Variants in MYO1B observed in about 807,000 individuals in gnomAD.
MYO1B encodes myosin IB, also known as unconventional myosin-Ib.
A neutral mutation model predicts 159.7 loss-of-function variants in MYO1B; 72 were observed. The observed-to-expected ratio is 0.45, with a 90% CI of 0.37 to 0.55. The LOEUF is 0.55. Ranked by LOEUF, MYO1B falls within the 20% of genes least tolerant of loss-of-function variation. The pLI is 0.00. For missense variants in MYO1B, 1,062 were observed against 1,364.8 expected, an observed-to-expected ratio of 0.78 and a Z score of 3.50; for synonymous variants, 468 against 473.8, an observed-to-expected ratio of 0.99 and a Z score of 0.16.
At chr2:191,306,242 A>G (rs897785599) in intron 3 of MYO1B, among the ~76,000 whole-genome samples, 7 of 152,110 alleles carry the variant, frequency 4.6e-5, no homozygotes, top group Non-Finnish European at 1.0e-4. Flanking sequence ...TCTAGGGGTA[A>G]GAGGGAGAGA....
intron 3 of MYO1B, among the ~76,000 whole-genome samples, chr2:191,302,768 A>G (rs1230886294): frequency 6.6e-6 from 1 of 152,246 alleles, no homozygotes; most frequent in Non-Finnish European, 1.5e-5. Flanking sequence ...TTAGTAAATT[A>G]CAAACTCAGC....
intron 1 of MYO1B, among the ~76,000 whole-genome samples, chr2:191,250,541 C>T (rs927648071): frequency 4.6e-5 from 7 of 152,158 alleles, no homozygotes; most frequent in Non-Finnish European, 8.8e-5. Flanking sequence ...GGCATATTTG[C>T]ATTTTAAAAG....
chr2:191,376,223 C>T (rs1694702062), intron 13 of MYO1B, among the ~76,000 whole-genome samples: 1 of 152,028 alleles, frequency 6.6e-6, no homozygotes. Flanking sequence ...TTTAGCTAGT[C>T]ATTCAATTTT....
chr2:191,258,059 T>C (rs1686564919), intron 1 of MYO1B, among the ~76,000 whole-genome samples: 1 of 152,194 alleles, frequency 6.6e-6, no homozygotes, highest in South Asian at 2.1e-4. Flanking sequence ...AGAACCAATA[T>C]ATGTATCGCT....
chr2:191,310,628 G>C (rs1689944401), intron 3 of MYO1B, among the ~76,000 whole-genome samples: 1 of 152,226 alleles, frequency 6.6e-6, no homozygotes, highest in Non-Finnish European at 1.5e-5. Flanking sequence ...AGTTGAGAAT[G>C]TAGAGCTATT....
chr2:191,396,588 G>C, intron 21 of MYO1B, 91 bp downstream of exon 21: 27 of 1,163,298 alleles, frequency 2.3e-5, no homozygotes, highest in Non-Finnish European at 3.0e-5. Context: ...CAGAGGAGGG[G>C]CTCCTCTGTC....
chr2:191,302,963 T>A (rs1168844800), intron 3 of MYO1B, among the ~76,000 whole-genome samples: 2 of 152,196 alleles, frequency 1.3e-5, no homozygotes, highest in Non-Finnish European at 2.9e-5. Flanking sequence ...TTTTTCAGGA[T>A]CACATACCGT....
At chr2:191,409,750 T>C (rs1697148849) in intron 26 of MYO1B, among the ~76,000 whole-genome samples, 1 of 152,214 alleles carries the variant, frequency 6.6e-6, no homozygotes, top group Admixed American at 6.5e-5. Flanking sequence ...TCTTATTTTG[T>C]ATAAGAGGAC....
chr2:191,381,898 T>C (rs919564351), intron 14 of MYO1B, among the ~76,000 whole-genome samples: 1 of 152,214 alleles, frequency 6.6e-6, no homozygotes, highest in Non-Finnish European at 1.5e-5. Context: ...GTAAGTAGAT[T>C]TGAAAATATT....
chr2:191,261,119 C>CT (rs2125690481), intron 1 of MYO1B, among the ~76,000 whole-genome samples: 1 of 152,300 alleles, frequency 6.6e-6, no homozygotes, highest in South Asian at 2.1e-4. Flanking sequence ...GAGGGCTACC[C>CT]TGTAGTGTGC....
At chr2:191,330,858 G>A (rs546223743) in intron 4 of MYO1B, among the ~76,000 whole-genome samples, 32 of 152,234 alleles carry the variant, frequency 2.1e-4, no homozygotes, top group African/African-American at 7.5e-4. Flanking sequence ...TTCAAAGGTG[G>A]AATTTTAAAT....
At chr2:191,256,723 AAG>A (rs1222441944) in intron 1 of MYO1B, among the ~76,000 whole-genome samples, 4 of 152,212 alleles carry the variant, frequency 2.6e-5, no homozygotes, top group African/African-American at 9.6e-5. Context: ...TATTTGAAGA[AAG>A]AAAAGTCAGG....
chr2:191,373,771 G>A (rs574166108), intron 13 of MYO1B, among the ~76,000 whole-genome samples: 1 of 152,286 alleles, frequency 6.6e-6, no homozygotes, highest in African/African-American at 2.4e-5. Context: ...TATGTCTATA[G>A]CAAATCTTAT....
intron 3 of MYO1B, among the ~76,000 whole-genome samples, chr2:191,325,210 G>C (rs1690974468): frequency 6.6e-6 from 1 of 152,126 alleles, no homozygotes; most frequent in Admixed American, 6.6e-5. Flanking sequence ...GAGCTAGTAA[G>C]GAAAAGAAAT....
At chr2:191,372,631 T>A (rs1368307231) in intron 13 of MYO1B, among the ~76,000 whole-genome samples, 1 of 152,174 alleles carries the variant, frequency 6.6e-6, no homozygotes, top group Non-Finnish European at 1.5e-5. Context: ...TTTTAAAAGT[T>A]TGTTTGCTAC....
intron 2 of MYO1B, among the ~76,000 whole-genome samples, chr2:191,277,737 TA>T (rs1261590819): frequency 1.3e-5 from 2 of 152,198 alleles, no homozygotes; most frequent in Non-Finnish European, 2.9e-5. Context: ...TACTGTTAAC[TA>T]AACCAAAGAA....
At chr2:191,396,389 T>G (rs557277848) in intron 20 of MYO1B, 40 bp from the exon 21 acceptor site, 1 of 1,598,726 alleles carries the variant, frequency 6.3e-7, no homozygotes, top group Non-Finnish European at 8.6e-7. Context: ...GTTACAGATA[T>G]TAACTACAAC....
At chr2:191,343,591 T>C (rs989893139) in intron 5 of MYO1B, among the ~76,000 whole-genome samples, 1 of 152,240 alleles carries the variant, frequency 6.6e-6, no homozygotes, top group Non-Finnish European at 1.5e-5. Context: ...TGTTCCAATA[T>C]TTGACTTTTT....
rs111565821 is a variant in MYO1B, at chr2:191,278,382, A to G, written c.135+1352A>G. Reference sequence around the variant, plus strand: ...ACCTCCTAGAACCATCACATTGGTGACTAGCTTTCAATATATAAACTTTAG... The same window carrying G: ...ACCTCCTAGAACCATCACATTGGTGGCTAGCTTTCAATATATAAACTTTAG... On this transcript the variant is annotated intron_variant, in intron 2 of 30. Transcript: ENST00000392318. Among the ~76,000 whole-genome samples, 210 of 152,336 alleles carry G rather than the reference A, an allele frequency of 1.4e-3. 1 individual carries two copies. Among genetic ancestry groups the G allele is most frequent in the African/African-American group, 4.9e-3 (202 of 41,592 alleles).
Sources: gnomAD v4.1 joint callset for allele counts (sites outside exome capture counted in the v4.1 genomes callset) on GRCh38, gnomAD v4.1.1 for gene constraint, MANE v1.5 for transcripts, NCBI Gene and HGNC (gene_info 2026-07-23, HGNC 2026-07-21) for gene names.